The following DSE variants were observed in gnomAD, a reference collection of about 807,000 sequenced individuals.
DSE encodes dermatan sulfate epimerase.
Under a neutral mutation model 84.4 loss-of-function variants are expected in DSE, and 36 were observed. The observed-to-expected ratio is 0.43, with a 90% CI of 0.33 to 0.56. The LOEUF (loss-of-function observed/expected upper bound fraction) is 0.56. DSE is among the 20% of genes least tolerant of loss of function. The pLI is 0.06. For synonymous variants in DSE, 410 were observed against 430.1 expected (o/e 0.95, Z 0.58); for missense variants, 862 against 1,169.6 (o/e 0.74, Z 3.84).
chr6:116,291,794 T>G (rs142508074), intron 2 of DSE, among the ~76,000 whole-genome samples: 2 of 152,212 alleles, frequency 1.3e-5, no homozygotes, highest in South Asian at 4.1e-4. Context: ...TCTTTAGGAA[T>G]GTAGTAACTG....
At chr6:116,306,898 A>G (rs951170973) in intron 2 of DSE, among the ~76,000 whole-genome samples, 4 of 152,172 alleles carry the variant, frequency 2.6e-5, no homozygotes, top group Admixed American at 1.3e-4. Flanking sequence ...CCAGGAGCCA[A>G]ATTGACTAGC....
At chr6:116,429,252 A>G (rs768575775) in intron 3 of DSE, among the ~76,000 whole-genome samples, 3 of 152,226 alleles carry the variant, frequency 2.0e-5, no homozygotes, top group Non-Finnish European at 4.4e-5. Flanking sequence ...TGCATACCCA[A>G]GCCTGACAGC....
chr6:116,340,521 G>A (rs1777528243), intron 2 of DSE, among the ~76,000 whole-genome samples: 1 of 151,924 alleles, frequency 6.6e-6, no homozygotes, highest in South Asian at 2.1e-4. Context: ...TTAAGTTCTA[G>A]GGTATATGAG....
intron 2 of DSE, among the ~76,000 whole-genome samples, chr6:116,268,907 T>G (rs1183544643): frequency 6.6e-6 from 1 of 152,104 alleles, no homozygotes; most frequent in Non-Finnish European, 1.5e-5. Flanking sequence ...TTGGTACTCT[T>G]TATTATTACA....
At chr6:116,419,398 T>C (rs958885437) in intron 2 of DSE, among the ~76,000 whole-genome samples, 1 of 152,254 alleles carries the variant, frequency 6.6e-6, no homozygotes, top group African/African-American at 2.4e-5. Flanking sequence ...AATACATGAC[T>C]GTCTTAACTT....
intron 2 of DSE, among the ~76,000 whole-genome samples, chr6:116,306,317 A>G (rs1008181145): frequency 5.9e-5 from 9 of 152,188 alleles, no homozygotes; most frequent in African/African-American, 1.9e-4. Flanking sequence ...CTTTATTATA[A>G]CATACATACA....
chr6:116,420,298 C>T (rs1782986495), intron 2 of DSE, among the ~76,000 whole-genome samples: 1 of 152,122 alleles, frequency 6.6e-6, no homozygotes, highest in Non-Finnish European at 1.5e-5. Context: ...GCCCTAACCC[C>T]TTATGTGGAA....
At chr6:116,273,718 A>G (rs953284391) in intron 2 of DSE, among the ~76,000 whole-genome samples, 1 of 152,170 alleles carries the variant, frequency 6.6e-6, no homozygotes, top group African/African-American at 2.4e-5. Context: ...TGAGTTCCTC[A>G]AGGGCAAAGA....
chr6:116,258,725 C>T lies in DSE; in HGVS notation c.-296C>T, dbSNP rs771319797. ...ACAGCCTGTCGTCTCACAGTCCCGG[C>T]GCACCCAATGCGTGTGGAGTCCTCC... On this transcript the variant is annotated 5_prime_UTR_variant, in exon 2 of 4. Transcript: ENST00000430252. 2.1e-5 allele frequency: 33 copies of T among 1,606,364 alleles called. No homozygotes were observed. In the Middle Eastern group the frequency reaches 5.0e-4, roughly 24 times the overall value.
At chr6:116,323,868 C>T (rs1328061489) in intron 2 of DSE, among the ~76,000 whole-genome samples, 1 of 152,054 alleles carries the variant, frequency 6.6e-6, no homozygotes, top group Non-Finnish European at 1.5e-5. Flanking sequence ...CTTCTCATTC[C>T]CTCTTCCATT....
At chr6:116,413,001 C>G (rs530895433) in intron 2 of DSE, among the ~76,000 whole-genome samples, 1 of 152,212 alleles carries the variant, frequency 6.6e-6, no homozygotes, top group South Asian at 2.1e-4. Flanking sequence ...ATAATGGCCT[C>G]TAGCTCCATG....
At position 116,424,104 on chromosome 6, in the gene DSE, G is replaced by A. The variant is rs549946204; in HGVS notation, c.417-2470G>A. Among the ~76,000 whole-genome samples, 6 of 152,156 alleles carry A rather than the reference G, an allele frequency of 3.9e-5. No individual in the cohort carries two copies. The South Asian group carries it at 1.2e-3, about 32-fold the overall frequency. ...ATTGACATCAGCTTTATCATGGGTC[G>A]GTGTATATAGTGCCATTTATAGATG... is the stretch of plus-strand genomic sequence containing the variant. On this transcript the variant is annotated intron_variant, in intron 2 of 5. Transcript: ENST00000644252.
At chr6:116,305,482 C>T (rs1775291241) in intron 2 of DSE, among the ~76,000 whole-genome samples, 1 of 152,168 alleles carries the variant, frequency 6.6e-6, no homozygotes, top group South Asian at 2.1e-4. Flanking sequence ...AAATGCAATA[C>T]ATGGTCCTGG....
Position 116,436,484 on chromosome 6 carries a change from G to A in DSE, c.2016G>A (p.Gln672=), listed in dbSNP as rs772695668. 4.6e-5 allele frequency: 75 copies of A among 1,614,006 alleles called. 1 individual carries two copies. Among genetic ancestry groups the A allele is most frequent in the South Asian group, 4.6e-4 (42 of 91,080 alleles). The change falls in exon 6 of 6, where the codon CAG becomes CAA. Residue 672 remains glutamine (Q), a synonymous_variant. Coordinates refer to ENST00000644252, the MANE Select transcript of DSE (RefSeq NM_013352.4). ...TCATAGGGCCATCTATAGATGTTCAGAGCTTCACTGTCCACGGAGACTCTC... is the reference window on the plus strand; with the variant it reads ...TCATAGGGCCATCTATAGATGTTCAAAGCTTCACTGTCCACGGAGACTCTC... The part of the protein sequence containing the change: ...YLFIGPSIDV[Q]SFTVHGDSQQ...
Position 116,435,676 on chromosome 6 carries a change from G to A in DSE, c.1208G>A (p.Gly403Glu). The A allele has an allele frequency of 6.2e-7, 1 of 1,614,122 alleles. No homozygotes were observed. Among genetic ancestry groups the A allele is most frequent in the Admixed American group, 1.7e-5 (1 of 60,018 alleles). Residue 403 changes from glycine to glutamate, a missense_variant, in exon 6 of 6, where the codon GGA (glycine) becomes GAA (glutamate). By Grantham distance (98) the Gly-to-Glu change is moderately conservative. Around this residue, in one of 4 missense-constraint regions of DSE, gnomAD observed 309 missense variants for 516.9 expected, o/e 0.60. Transcript: ENST00000644252. ...GAAGACTGGGGTGTCGTGACTTATG[G>A]AAGTGCACTACCTGCAGAAATCAAT... ...YFEDWGVVTYGSALPAEINRS... is the reference protein window; with the variant it reads ...YFEDWGVVTYESALPAEINRS...
At chr6:116,338,167 G>GTC (rs34291949) in intron 2 of DSE, among the ~76,000 whole-genome samples, 70 of 96,580 alleles carry the variant, frequency 7.2e-4, no homozygotes, top group South Asian at 3.1e-3. Flanking sequence ...CTTCCTTTCT[G>GTC]TCTCTTTCTC....
intron 2 of DSE, among the ~76,000 whole-genome samples, chr6:116,287,887 C>T (rs1774025403): frequency 6.6e-6 from 1 of 152,076 alleles, no homozygotes; most frequent in Non-Finnish European, 1.5e-5. Context: ...GAGGGAGCAA[C>T]TGGTCTTTAA....
At chr6:116,286,524 T>C (rs1309040622) in intron 2 of DSE, among the ~76,000 whole-genome samples, 1 of 152,192 alleles carries the variant, frequency 6.6e-6, no homozygotes, top group African/African-American at 2.4e-5. Flanking sequence ...ATAACAGATA[T>C]CTTCTAAAAG....
intron 1 of DSE, among the ~76,000 whole-genome samples, chr6:116,388,519 A>G (rs1047721951): frequency 6.6e-6 from 1 of 152,240 alleles, no homozygotes; most frequent in Non-Finnish European, 1.5e-5. Context: ...CACATATGTA[A>G]ACATCAAAGG....
Sources: gnomAD v4.1 joint callset for allele counts (sites outside exome capture counted in the v4.1 genomes callset) on GRCh38, gnomAD v4.1.1 for gene constraint, gnomAD v4.1.1 regional missense constraint, MANE v1.5 for transcripts, NCBI Gene and HGNC (gene_info 2026-07-23, HGNC 2026-07-21) for gene names.